The following NEGR1 variants were observed in gnomAD, a reference collection of about 807,000 sequenced individuals.
NEGR1 encodes the protein neuronal growth regulator 1.
A neutral mutation model predicts 40.9 loss-of-function variants in NEGR1; 10 were observed. That is an observed-to-expected ratio of 0.24 (90% confidence interval 0.15 to 0.42). The LOEUF (loss-of-function observed/expected upper bound fraction) is 0.42, where lower values mean the gene tolerates loss of function less well. Ranked by LOEUF, NEGR1 falls within the 10% of genes least tolerant of loss-of-function variation. The probability of loss-of-function intolerance (pLI) is 1.00; values close to 1 mark genes in which losing one functional copy is unlikely to be tolerated. For missense variants in NEGR1, 352 were observed against 438.9 expected, an observed-to-expected ratio of 0.80 and a Z score of 1.77; for synonymous variants, 185 against 166.8, an observed-to-expected ratio of 1.11 and a Z score of -0.84.
At chr1:72,199,906 C>A (rs1362828154) in intron 1 of NEGR1, among the ~76,000 whole-genome samples, 1 of 151,582 alleles carries the variant, frequency 6.6e-6, no homozygotes, top group African/African-American at 2.4e-5. Context: ...TACATGGAGC[C>A]AACAAATATA....
At chr1:71,409,627 A>C (rs1646302573) in intron 6 of NEGR1, among the ~76,000 whole-genome samples, 1 of 152,058 alleles carries the variant, frequency 6.6e-6, no homozygotes, top group African/African-American at 2.4e-5. Flanking sequence ...TGTAACTATC[A>C]CACTGCATTG....
At chr1:72,246,266 T>C (rs1385711853) in intron 1 of NEGR1, among the ~76,000 whole-genome samples, 1 of 152,188 alleles carries the variant, frequency 6.6e-6, no homozygotes, top group Non-Finnish European at 1.5e-5. Flanking sequence ...ATTATCGCCA[T>C]TTATATTGTA....
rs979981332 is a variant in NEGR1, at chr1:71,396,261, C to G, written c.*11185G>C. The G allele has an allele frequency of 6.6e-6, 1 of 152,116 alleles. No homozygotes were observed. The highest frequency in any genetic ancestry group is 1.5e-5 in the Non-Finnish European group (1 of 68,038). The allele number at this position is 152,116 out of a possible 1,614,324, so 9.4% of individuals were successfully genotyped here. ...TTAGAGAAATGGGTGCCTTTTTCTT[C>G]AGTTTGATCATAGTGTCCTAAACAT... is the stretch of plus-strand genomic sequence containing the variant. On this transcript the variant is annotated 3_prime_UTR_variant, in exon 7 of 7. Transcript: ENST00000357731.
chr1:71,535,384 C>A (rs1380603164), intron 6 of NEGR1, among the ~76,000 whole-genome samples: 1 of 151,764 alleles, frequency 6.6e-6, no homozygotes, highest in Admixed American at 6.6e-5. Context: ...CCCAATGAAC[C>A]AAGCTCTTCT....
At chr1:71,941,876 A>G (rs181860812) in intron 1 of NEGR1, among the ~76,000 whole-genome samples, 153 of 152,208 alleles carry the variant, frequency 1.0e-3, no homozygotes, top group African/African-American at 3.6e-3. Flanking sequence ...CCATTTTACA[A>G]TGAAGACACT....
At position 72,274,630 on chromosome 1, in the gene NEGR1, C is replaced by T. The variant is rs77103375; in HGVS notation, c.176+7689G>A. The T allele has an allele frequency of 1.6e-3, 1,324 of 819,452 alleles. 13 individuals carry two copies. The African/African-American group carries it at 0.02, about 12-fold the overall frequency. 50.8% of individuals were successfully genotyped at this position (819,452 alleles called of 1,614,324 possible). On this transcript the variant is annotated intron_variant, in intron 1 of 6. Coordinates refer to ENST00000357731, the MANE Select transcript of NEGR1 (RefSeq NM_173808.3). ...ACCACTCTATGGCCTTGGAGAACTG[C>T]CCCAAGGATTTGCAAGGCTAAGTGC...
chr1:72,084,654 G>A (rs1385592105), intron 1 of NEGR1, among the ~76,000 whole-genome samples: 2 of 152,076 alleles, frequency 1.3e-5, no homozygotes, highest in South Asian at 2.1e-4. Flanking sequence ...CTGATGTGTT[G>A]AGTAAAGGAA....
intron 1 of NEGR1, among the ~76,000 whole-genome samples, chr1:71,997,384 G>A (rs537888299): frequency 6.6e-6 from 1 of 152,048 alleles, no homozygotes; most frequent in Non-Finnish European, 1.5e-5. Flanking sequence ...ACATATCATA[G>A]CACCAATTAT....
chr1:71,931,170 C>T (rs12138248), intron 2 of NEGR1, among the ~76,000 whole-genome samples: 12,281 of 152,166 alleles, frequency 0.081, 776 homozygotes, highest in Admixed American at 0.22. Flanking sequence ...AAGTTAAATA[C>T]CTTTGAGAAG....
chr1:71,810,419 A>G (rs1221826655), intron 2 of NEGR1, among the ~76,000 whole-genome samples: 1 of 152,166 alleles, frequency 6.6e-6, no homozygotes, highest in East Asian at 1.9e-4. Flanking sequence ...TTTTCCAGTC[A>G]GATAATCTAA....
At chr1:71,679,066 C>G (rs1048716579) in intron 4 of NEGR1, among the ~76,000 whole-genome samples, 5 of 152,098 alleles carry the variant, frequency 3.3e-5, no homozygotes, top group African/African-American at 1.2e-4. Context: ...TGAAACAGAT[C>G]TGGCTTGGAG....
At chr1:72,172,839 T>C (rs1206870572) in intron 1 of NEGR1, among the ~76,000 whole-genome samples, 1 of 152,084 alleles carries the variant, frequency 6.6e-6, no homozygotes, top group Non-Finnish European at 1.5e-5. Context: ...TCCTCCCCTT[T>C]TAAAGCCAGA....
chr1:71,814,180 A>G (rs1658111783), intron 2 of NEGR1, among the ~76,000 whole-genome samples: 2 of 152,228 alleles, frequency 1.3e-5, no homozygotes, highest in Admixed American at 1.3e-4. Flanking sequence ...GAATCTGTTG[A>G]GATAATCATG....
chr1:71,830,452 T>C (rs1246066411), intron 2 of NEGR1, among the ~76,000 whole-genome samples: 6 of 151,784 alleles, frequency 4.0e-5, no homozygotes, highest in Non-Finnish European at 7.4e-5. Context: ...TTGAATAAAA[T>C]TTTAATTAAA....
intron 6 of NEGR1, among the ~76,000 whole-genome samples, chr1:71,549,789 T>C (rs1366300086): frequency 1.3e-5 from 2 of 151,640 alleles, no homozygotes. Context: ...TTCTTTCAAA[T>C]ATTTATTTCA....
chr1:71,850,856 C>T (rs1659577851), intron 2 of NEGR1, among the ~76,000 whole-genome samples: 2 of 152,092 alleles, frequency 1.3e-5, no homozygotes, highest in Admixed American at 1.3e-4. Flanking sequence ...CTAAAACATA[C>T]TTAAAAAGAA....
intron 3 of NEGR1, among the ~76,000 whole-genome samples, chr1:71,730,263 G>T (rs1167506641): frequency 6.6e-6 from 1 of 151,996 alleles, no homozygotes; most frequent in Non-Finnish European, 1.5e-5. Context: ...GCTGCTTTGA[G>T]AGTTGATTAC....
chr1:71,939,205 C>T (rs1187315307), intron 1 of NEGR1, among the ~76,000 whole-genome samples: 4 of 152,070 alleles, frequency 2.6e-5, no homozygotes, highest in African/African-American at 7.2e-5. Context: ...TAACTTGTTC[C>T]CTATCTTCCT....
intron 1 of NEGR1, among the ~76,000 whole-genome samples, chr1:72,278,353 C>G (rs1370608302): frequency 6.6e-6 from 1 of 151,974 alleles, no homozygotes; most frequent in Non-Finnish European, 1.5e-5. Flanking sequence ...TAGAGAAGGG[C>G]TGAATAAGAA....
Sources: allele counts gnomAD v4.1 joint callset (sites outside exome capture counted in the v4.1 genomes callset), GRCh38; gene constraint gnomAD v4.1.1; transcripts MANE v1.5; gene names NCBI Gene and HGNC (gene_info 2026-07-23, HGNC 2026-07-21).